The following ANKRD36 variants were observed in gnomAD, a reference collection of about 807,000 sequenced individuals.
The protein encoded by ANKRD36 is ankyrin repeat domain-containing protein 36A.
A neutral mutation model predicts 278.1 loss-of-function variants in ANKRD36; 179 were observed. The observed-to-expected ratio is 0.64, with a 90% CI of 0.57 to 0.73. ANKRD36 has a LOEUF of 0.73. ANKRD36 is among the 30% of genes least tolerant of loss of function. ANKRD36 has a pLI of 0.00. For missense variants in ANKRD36, 1,159 were observed against 1,956.7 expected (o/e 0.59, Z 7.69); for synonymous variants, 320 against 641.1 (o/e 0.50, Z 7.57).
At position 97,199,248 on chromosome 2, in the gene ANKRD36, C is replaced by T. The variant is rs541412873; in HGVS notation, c.2755+590C>T. On this transcript the variant is annotated intron_variant, in intron 44 of 75. Transcript: ENST00000420699. Reference sequence around the variant, plus strand: ...AAGAAATATTTGATTTTGGCTACTCCAGGAACTACTGGAAGCAGGAAACAA... The same window carrying T: ...AAGAAATATTTGATTTTGGCTACTCTAGGAACTACTGGAAGCAGGAAACAA... Among the ~76,000 whole-genome samples the T allele has an allele frequency of 2.0e-4, 31 of 151,992 alleles. 1 individual carries two copies. The South Asian group carries it at 6.5e-3, about 32-fold the overall frequency.
intron 22 of ANKRD36, among the ~76,000 whole-genome samples, chr2:97,171,852 C>A (rs1385057952): frequency 6.6e-6 from 1 of 151,922 alleles, no homozygotes; most frequent in Non-Finnish European, 1.5e-5. Context: ...AGGACATTGG[C>A]ATGGGCAAAG....
intron 22 of ANKRD36, among the ~76,000 whole-genome samples, chr2:97,174,539 G>A (rs1235782528): frequency 1.3e-5 from 2 of 151,816 alleles, no homozygotes; most frequent in Admixed American, 1.3e-4. Context: ...GGATAAAATA[G>A]CAACTTAGAT....
intron 17 of ANKRD36, among the ~76,000 whole-genome samples, chr2:97,159,854 T>C (rs1335458012): frequency 1.3e-5 from 2 of 151,894 alleles, no homozygotes; most frequent in Non-Finnish European, 2.9e-5. Context: ...CGATCTCGGC[T>C]CACTGCAAGC....
At chr2:97,197,597 G>A (rs1575690169) in intron 42 of ANKRD36, among the ~76,000 whole-genome samples, 2 of 151,904 alleles carry the variant, frequency 1.3e-5, no homozygotes, top group South Asian at 4.2e-4. Context: ...CGAATGACAT[G>A]ATACTCCCAA....
intron 66 of ANKRD36, among the ~76,000 whole-genome samples, chr2:97,220,721 T>G (rs1419565728): frequency 1.4e-5 from 2 of 144,754 alleles, no homozygotes; most frequent in Non-Finnish European, 3.0e-5. Context: ...ATAATACTGA[T>G]TTTCTTGCTT....
At chr2:97,115,112 T>C (rs1398018405) in intron 1 of ANKRD36, among the ~76,000 whole-genome samples, 1 of 152,132 alleles carries the variant, frequency 6.6e-6, no homozygotes, top group Non-Finnish European at 1.5e-5. Context: ...CAATTACAAG[T>C]AATGGCGAAA....
At chr2:97,182,197 G>T (rs1040327490) in intron 26 of ANKRD36, among the ~76,000 whole-genome samples, 3 of 150,908 alleles carry the variant, frequency 2.0e-5, no homozygotes, top group African/African-American at 7.3e-5. Flanking sequence ...TAGAACGAGA[G>T]CTAAGGAGAC....
intron 62 of ANKRD36, among the ~76,000 whole-genome samples, chr2:97,216,222 C>G (rs1292581554): frequency 1.3e-5 from 2 of 151,948 alleles, no homozygotes; most frequent in Admixed American, 6.6e-5. Flanking sequence ...ATGAGATAAA[C>G]TTGAATATGA....
At chr2:97,115,300 C>T (rs2034945448) in intron 1 of ANKRD36, among the ~76,000 whole-genome samples, 1 of 151,760 alleles carries the variant, frequency 6.6e-6, no homozygotes. Context: ...ATTTTAAATG[C>T]ACAAAATAAG....
Position 97,118,111 on chromosome 2 carries a change from A to G in ANKRD36, c.245A>G (p.His82Arg). 1 of 1,558,760 alleles carries G rather than the reference A, an allele frequency of 6.4e-7. No individual in the cohort carries two copies. Among genetic ancestry groups the G allele is most frequent in the Non-Finnish European group, 8.7e-7 (1 of 1,150,488 alleles). ...ACATGQPEMV[H>R]LLVSRRCELN... ...GCCACTGGCCAACCGGAAATGGTAC[A>G]TCTCCTGGTGTCCAGAAGATGTGAG... Residue 82 changes from histidine (H) to arginine (R), a missense_variant, in exon 2 of 76, where the codon CAT becomes CGT. His to Arg is a conservative substitution (Grantham distance 29). Transcript: ENST00000420699.
intron 22 of ANKRD36, among the ~76,000 whole-genome samples, chr2:97,177,076 A>G (rs951916084): frequency 4.0e-5 from 6 of 151,692 alleles, no homozygotes; most frequent in Non-Finnish European, 7.4e-5. Context: ...TCCCATTCAC[A>G]ATTGCTTCAA....
intron 11 of ANKRD36, among the ~76,000 whole-genome samples, chr2:97,147,458 T>G (rs2044568336): frequency 6.6e-6 from 1 of 151,936 alleles, no homozygotes; most frequent in Non-Finnish European, 1.5e-5. Context: ...TCCTAGAGAC[T>G]AAACAAAGTA....
Position 97,133,876 on chromosome 2 carries a change from A to G in ANKRD36, c.799+6742A>G, listed in dbSNP as rs527611907. ...GCTCCCCCCATTTTCAATATCTCCCACCTGAGTGGTACATTTGTTACAACT... is the reference window on the plus strand; with the variant it reads ...GCTCCCCCCATTTTCAATATCTCCCGCCTGAGTGGTACATTTGTTACAACT... On this transcript the variant is annotated intron_variant, in intron 6 of 75. Transcript: ENST00000420699. 4.0e-5 allele frequency among the ~76,000 whole-genome samples: 6 copies of G among 151,680 alleles called. No individual in the cohort carries two copies. The South Asian group carries it at 1.3e-3, about 32-fold the overall frequency.
chr2:97,171,711 A>T (rs1388292626), intron 22 of ANKRD36, among the ~76,000 whole-genome samples: 1 of 151,600 alleles, frequency 6.6e-6, no homozygotes, highest in East Asian at 1.9e-4. Flanking sequence ...TTAAAAAAAA[A>T]AAGTGTTCTG....
intron 56 of ANKRD36, among the ~76,000 whole-genome samples, chr2:97,210,326 C>T (rs1424495112): frequency 1.3e-5 from 2 of 151,762 alleles, no homozygotes; most frequent in African/African-American, 2.4e-5. Context: ...CTAAGGAAGA[C>T]GGATTGTGAG....
In ANKRD36 at chr2:97,245,474, A is replaced by C. The variant is rs1330443973; in HGVS notation, c.4809A>C (p.Ser1603=). ...SRQRLETEMQ[S]YHCRLNAARC... ...AAAGACTGGAAACAGAAATGCAATC[A>C]TACCATTGTAGACTGAATGCTGCTC... is the stretch of plus-strand genomic sequence containing the variant. Residue 1603 remains serine, a synonymous_variant, in exon 71 of 76, where the codon TCA becomes TCC. Coordinates refer to ENST00000420699, the MANE Select transcript of ANKRD36 (RefSeq NM_001354587.1). 1 of 1,612,716 alleles carries C rather than the reference A, an allele frequency of 6.2e-7. No homozygotes were observed. Among genetic ancestry groups the C allele is most frequent in the Non-Finnish European group, 8.5e-7 (1 of 1,179,888 alleles).
intron 18 of ANKRD36, chr2:97,163,432 A>G: frequency 1.1e-5 from 4 of 369,530 alleles, no homozygotes; most frequent in South Asian, 6.2e-5. Flanking sequence ...CAAGAGAACT[A>G]AAGTTGAGAA....
intron 22 of ANKRD36, among the ~76,000 whole-genome samples, chr2:97,177,070 A>C (rs1461590514): frequency 2.6e-5 from 4 of 151,650 alleles, no homozygotes; most frequent in African/African-American, 7.3e-5. Flanking sequence ...GTGAACTCCC[A>C]TTCACAATTG....
chr2:97,148,480 G>C, intron 11 of ANKRD36, among the ~76,000 whole-genome samples: 1 of 152,402 alleles, frequency 6.6e-6, no homozygotes, highest in Non-Finnish European at 1.5e-5. Flanking sequence ...ATGAAATGGA[G>C]CTATAAGTAC....
Sources: allele counts gnomAD v4.1 joint callset (sites outside exome capture counted in the v4.1 genomes callset), GRCh38; gene constraint gnomAD v4.1.1; transcripts MANE v1.5; gene names NCBI Gene and HGNC (gene_info 2026-07-23, HGNC 2026-07-21).